FNDC1: variants seen among roughly 807,000 people sequenced by gnomAD.
The protein encoded by FNDC1 is fibronectin type III domain containing 1, also known as fibronectin type III domain-containing protein 1.
A neutral mutation model predicts 168.0 loss-of-function variants in FNDC1; 96 were observed. That is an observed-to-expected ratio of 0.57 (90% CI 0.48 to 0.68). The LOEUF is 0.68. Among genes scored for constraint, FNDC1 ranks in the 30% least tolerant of loss-of-function variants. FNDC1 has a pLI of 0.00. For synonymous variants in FNDC1, 1,099 were observed against 1,025.9 expected, an observed-to-expected ratio of 1.07 and a Z score of -1.36; for missense variants, 2,587 against 2,482.1, an observed-to-expected ratio of 1.04 and a Z score of -0.90.
At chr6:159,261,007 G>T (rs1458003718) in intron 18 of FNDC1, among the ~76,000 whole-genome samples, 183 bp from the exon 19 acceptor site, 2 of 152,190 alleles carry the variant, frequency 1.3e-5, no homozygotes, top group African/African-American at 2.4e-5. Context: ...ATTATTTAGA[G>T]AATTTATTCA....
intron 1 of FNDC1, among the ~76,000 whole-genome samples, chr6:159,194,910 A>G (rs1782212905): frequency 6.6e-6 from 1 of 152,062 alleles, no homozygotes; most frequent in African/African-American, 2.4e-5. Context: ...TTAGGCATGG[A>G]CGAGTTAGGC....
intron 1 of FNDC1, among the ~76,000 whole-genome samples, chr6:159,177,338 C>T (rs1781782299): frequency 6.6e-6 from 1 of 152,196 alleles, no homozygotes; most frequent in African/African-American, 2.4e-5. Context: ...AGTTAGCTAG[C>T]ATTTTAATAA....
intron 1 of FNDC1, among the ~76,000 whole-genome samples, chr6:159,194,581 A>G (rs1782205460): frequency 6.6e-6 from 1 of 152,198 alleles, no homozygotes; most frequent in Admixed American, 6.5e-5. Flanking sequence ...AATGCAACCA[A>G]CAGAGCCCGA....
In FNDC1 at chr6:159,232,855, G is replaced by A. The variant is rs781657905; in HGVS notation, c.2343G>A (p.Ala781=). The A allele has an allele frequency of 5.6e-6, 9 of 1,613,740 alleles. No individual in the cohort carries two copies. Among genetic ancestry groups the A allele is most frequent in the Admixed American group, 3.3e-5 (2 of 60,028 alleles). ...CCAGGACGCAGGTCTCTGAGGGAGC[G>A]GAGGCTTCTGATGGTGAAAGCCACG... ...LSSRTQVSEG[A]EASDGESHGD... is the part of the protein sequence containing the mutation. Residue 781 remains alanine, a synonymous_variant, in exon 11 of 23, where the codon GCG becomes GCA. Coordinates refer to ENST00000297267, the MANE Select transcript of FNDC1 (RefSeq NM_032532.3). The surrounding 1 kb of genome is among the most constrained non-coding windows in gnomAD (Gnocchi z 4.9).
chr6:159,232,977 A>G lies in FNDC1; in HGVS notation c.2465A>G (p.His822Arg). The stretch of plus-strand genomic sequence containing the variant: ...TCTGGACACTTCCATTTGCTCAGAC[A>G]CAAACCCTTTGCTGCCAACGGGAGG... ...PASGHFHLLR[H>R]KPFAANGRSP... is the part of the protein sequence containing the mutation. The change falls in exon 11 of 23, where the codon CAC becomes CGC. Residue 822 changes from histidine to arginine, a missense_variant. His to Arg is a conservative substitution (Grantham distance 29, BLOSUM62 0). Transcript: ENST00000297267. This position sits in a 1 kb window ranked among gnomAD's most constrained non-coding sequence, Gnocchi z 4.9. The G allele has an allele frequency of 6.2e-7, 1 of 1,612,074 alleles. No homozygotes were observed. The highest frequency in any genetic ancestry group is 8.5e-7 in the Non-Finnish European group (1 of 1,179,636).
In FNDC1 at chr6:159,233,475, A is replaced by G; in HGVS notation, c.2963A>G (p.Gln988Arg). The G allele has an allele frequency of 6.2e-7, 1 of 1,605,946 alleles. No homozygotes were observed. The highest frequency in any genetic ancestry group is 8.5e-7 in the Non-Finnish European group (1 of 1,178,674). Reference sequence around the variant, plus strand: ...CGTCCGCCCGCAGCACGGTCACAGCAGCATCCCAGTGTTCCCAGAAGGATG... The same window carrying G: ...CGTCCGCCCGCAGCACGGTCACAGCGGCATCCCAGTGTTCCCAGAAGGATG... ...PARPPAARSQ[Q>R]HPSVPRRMTP... Residue 988 changes from glutamine (Q) to arginine (R), a missense_variant, in exon 11 of 23, where the codon CAG becomes CGG. Physicochemically the swap from Gln to Arg is conservative, Grantham distance 43. Transcript: ENST00000297267. The surrounding 1 kb of genome is among the most constrained non-coding windows in gnomAD (Gnocchi z 4.6).
At chr6:159,236,157 C>A (rs1783251474) in intron 11 of FNDC1, 58 bp from the exon 12 acceptor site, 2 of 1,290,284 alleles carry the variant, frequency 1.6e-6, no homozygotes, top group South Asian at 2.6e-5. Context: ...ATGAAGCCAA[C>A]TTCCCGGGCA....
At position 159,266,223 on chromosome 6, in the gene FNDC1, C is replaced by A. The variant is rs777511019; in HGVS notation, c.5424C>A (p.Ile1808=). The A allele has an allele frequency of 6.2e-7, 1 of 1,613,908 alleles. No homozygotes were observed. Among genetic ancestry groups the A allele is most frequent in the Non-Finnish European group, 8.5e-7 (1 of 1,179,832 alleles). Residue 1808 remains isoleucine (I), a synonymous_variant, in exon 21 of 23, where the codon ATC becomes ATA. Transcript: ENST00000297267. The part of the protein sequence containing the change: ...VVLCNSLRYK[I]YLSDNLKDTF... ...TTTGTAATTCACTGAGGTATAAAAT[C>A]TACCTCAGTGACAACCTGAAAGGTA...
At chr6:159,230,683 G>A (rs984460770) in intron 10 of FNDC1, among the ~76,000 whole-genome samples, 23 of 152,284 alleles carry the variant, frequency 1.5e-4, no homozygotes, top group African/African-American at 5.5e-4. Flanking sequence ...GGAAGGGAGT[G>A]TTTTTGGACC....
At chr6:159,230,401 C>T (rs867505358) in intron 10 of FNDC1, among the ~76,000 whole-genome samples, 17 of 152,226 alleles carry the variant, frequency 1.1e-4, no homozygotes, top group Admixed American at 2.0e-4. Flanking sequence ...GGACAGGAGA[C>T]GGGTGAGGGT....
At chr6:159,242,701 C>T (rs913304779) in intron 14 of FNDC1, among the ~76,000 whole-genome samples, 25 of 152,138 alleles carry the variant, frequency 1.6e-4, no homozygotes, top group African/African-American at 5.1e-4. Flanking sequence ...CCTCATTCCT[C>T]CCTCCTCCCA....
rs747855499 is a variant in FNDC1, at chr6:159,232,489, C to T, written c.1977C>T (p.Pro659=). ...EDERAVGSLH[P]KGAFAQPRPA... ...AGCGCGCTGTGGGCTCCCTCCACCC[C>T]AAGGGCGCCTTCGCCCAGCCCCGGC... Residue 659 remains proline (P), a synonymous_variant, in exon 11 of 23, where the codon CCC becomes CCT. Transcript: ENST00000297267. The surrounding 1 kb of genome is among the most constrained non-coding windows in gnomAD (Gnocchi z 4.9). 6.2e-7 allele frequency: 1 copy of T among 1,612,508 alleles called. No individual in the cohort carries two copies. The highest frequency in any genetic ancestry group is 8.5e-7 in the Non-Finnish European group (1 of 1,179,304).
chr6:159,185,189 T>C (rs1352328265), intron 1 of FNDC1, among the ~76,000 whole-genome samples: 1 of 151,992 alleles, frequency 6.6e-6, no homozygotes, highest in East Asian at 1.9e-4. Context: ...CCAGATCTGA[T>C]GGTGGAGTTC....
Position 159,169,757 on chromosome 6 carries a change from C to T in FNDC1, c.109+52C>T. On this transcript the variant is annotated intron_variant, in intron 1 of 22. Transcript: ENST00000297267. The surrounding 1 kb of genome is among the most constrained non-coding windows in gnomAD (Gnocchi z 6.8). ...GCTCCTCAGCTCCCCGCGCACCCTC[C>T]TGCGCTCGGGCCCCGTCGTCCCGCT... is the stretch of plus-strand genomic sequence containing the variant. The T allele has an allele frequency of 4.1e-6, 3 of 729,348 alleles. No individual in the cohort carries two copies. Among genetic ancestry groups the T allele is most frequent in the Non-Finnish European group, 5.4e-6 (3 of 556,446 alleles). The allele number at this position is 729,348 out of a possible 1,614,324, so 45.2% of individuals were successfully genotyped here.
intron 18 of FNDC1, among the ~76,000 whole-genome samples, chr6:159,258,940 TA>T (rs1461808417): frequency 6.6e-6 from 1 of 152,222 alleles, no homozygotes; most frequent in Admixed American, 6.5e-5. Flanking sequence ...GGCCAGGGCA[TA>T]AAAGTGAGCT....
intron 22 of FNDC1, among the ~76,000 whole-genome samples, chr6:159,270,843 G>A (rs1777730740): frequency 6.6e-6 from 1 of 152,234 alleles, no homozygotes; most frequent in South Asian, 2.1e-4. Context: ...ATCCATCCAG[G>A]TCAGGGCCTG....
intron 4 of FNDC1, among the ~76,000 whole-genome samples, chr6:159,210,706 C>T (rs1782583551): frequency 6.6e-6 from 1 of 152,134 alleles, no homozygotes; most frequent in Admixed American, 6.5e-5. Flanking sequence ...CTGGAGCTCA[C>T]CAACTTTGGA....
chr6:159,211,489 C>T (rs1782605445), intron 4 of FNDC1, among the ~76,000 whole-genome samples: 1 of 152,220 alleles, frequency 6.6e-6, no homozygotes, highest in African/African-American at 2.4e-5. Context: ...TAGGCAACCT[C>T]ATATTTGAAA....
At chr6:159,268,723 C>CATCTACCT (rs1554229748) in intron 22 of FNDC1, among the ~76,000 whole-genome samples, 5 of 149,706 alleles carry the variant, frequency 3.3e-5, no homozygotes, top group Non-Finnish European at 7.4e-5. Context: ...TTTATGCATC[C>CATCTACCT]ATCTATCTAT....
Sources: allele counts gnomAD v4.1 joint callset (sites outside exome capture counted in the v4.1 genomes callset), GRCh38; gene constraint gnomAD v4.1.1; non-coding constraint Gnocchi (gnomAD v3.1); transcripts MANE v1.5; gene names NCBI Gene and HGNC (gene_info 2026-07-23, HGNC 2026-07-21).